NECTIN2: variants seen among roughly 807,000 people sequenced by gnomAD.
NECTIN2 encodes the protein nectin-2.
A neutral mutation model predicts 56.9 loss-of-function variants in NECTIN2; 23 were observed. The observed-to-expected ratio is 0.40, with a 90% CI of 0.29 to 0.57. The LOEUF (loss-of-function observed/expected upper bound fraction) is 0.57. Ranked by LOEUF, NECTIN2 falls within the 20% of genes least tolerant of loss-of-function variation. The pLI is 0.38. For missense variants in NECTIN2, 587 were observed against 718.3 expected (o/e 0.82, Z 2.09); for synonymous variants, 302 against 313.8 (o/e 0.96, Z 0.40).
intron 1 of NECTIN2, among the ~76,000 whole-genome samples, chr19:44,847,041 G>A (rs1968844003): frequency 6.6e-6 from 1 of 152,082 alleles, no homozygotes; most frequent in African/African-American, 2.4e-5. Context: ...ACCGCAGTAA[G>A]GTCTCGAGGA....
intron 5 of NECTIN2, among the ~76,000 whole-genome samples, chr19:44,877,575 C>T (rs1022016288): frequency 3.9e-5 from 6 of 152,350 alleles, no homozygotes; most frequent in Admixed American, 3.9e-4. Flanking sequence ...GGAATAAATG[C>T]TCCCAGCCAC....
Position 44,879,880 on chromosome 19 carries a change from C to A in NECTIN2, c.1043-2331C>A, listed in dbSNP as rs986593255. Among the ~76,000 whole-genome samples the A allele has an allele frequency of 2.6e-5, 4 of 152,316 alleles. No individual in the cohort carries two copies. The East Asian group carries it at 7.7e-4, about 29-fold the overall frequency. On this transcript the variant is annotated intron_variant, in intron 5 of 8. Transcript: ENST00000252483. ...GGCAGTGCTGGGGCTGCAGCTGTGG[C>A]CTGCACAGACCCAGTGCCGTCCTCC... is the stretch of plus-strand genomic sequence containing the variant.
chr19:44,886,152 TG>T lies in NECTIN2; in HGVS notation c.1285del (p.Ala429ProfsTer66), dbSNP rs757228805. ...AQEMPSQLFTLGASEHSPLKT... is the reference protein window; with the variant it reads ...AQEMPSQLFTXGASEHSPLKT... The stretch of plus-strand genomic sequence containing the variant: ...CTACAGCCCTCCCAGCTCTTCACTC[TG>T]GGGGCCTCGGAGCACAGCCCACTCA... On this transcript the variant is annotated frameshift_variant, in exon 8 of 9. Transcript: ENST00000252483. LOFTEE classifies it high-confidence loss of function. The T allele has an allele frequency of 1.9e-6, 3 of 1,613,210 alleles. No homozygotes were observed. Among genetic ancestry groups the T allele is most frequent in the African/African-American group, 1.3e-5 (1 of 74,996 alleles).
chr19:44,871,823 G>A (rs1416182319), intron 2 of NECTIN2, 30 bp from the exon 3 acceptor site: 3 of 1,601,194 alleles, frequency 1.9e-6, no homozygotes, highest in South Asian at 2.2e-5. Flanking sequence ...CCGGTGAGGA[G>A]TGACGCACCC....
Position 44,874,017 on chromosome 19 carries a change from GGCTAT to G in NECTIN2, c.879_883del (p.Tyr294LeufsTer46), listed in dbSNP as rs1969207638. 1 of 1,613,270 alleles carries G rather than the reference GGCTAT, an allele frequency of 6.2e-7. No homozygotes were observed. Among genetic ancestry groups the G allele is most frequent in the Non-Finnish European group, 8.5e-7 (1 of 1,179,554 alleles). On this transcript the variant is annotated frameshift_variant, in exon 4 of 9. Transcript: ENST00000252483. LOFTEE classifies it high-confidence loss of function. This position sits in a 1 kb window ranked among gnomAD's most constrained non-coding sequence, Gnocchi z 6.3. Reference sequence around the variant, plus strand: ...CGTCCGCAGCAACCCAGAGCCCACGGGCTATGACTGGAGCACGTGAGTCACGTGGT... The same window carrying G: ...CGTCCGCAGCAACCCAGAGCCCACGGGACTGGAGCACGTGAGTCACGTGGT...
At chr19:44,860,266 C>G (rs897297996) in intron 1 of NECTIN2, among the ~76,000 whole-genome samples, 1 of 151,992 alleles carries the variant, frequency 6.6e-6, no homozygotes, top group African/African-American at 2.4e-5. Flanking sequence ...GGCTCATGCC[C>G]GTAATCCGAA....
intron 1 of NECTIN2, among the ~76,000 whole-genome samples, chr19:44,856,717 C>T (rs370894985): frequency 6.6e-6 from 1 of 152,214 alleles, no homozygotes; most frequent in Non-Finnish European, 1.5e-5. Context: ...CTGGAGGAGC[C>T]GGAAGGGAGT....
chr19:44,877,938 A>G (rs1175566566), intron 5 of NECTIN2, among the ~76,000 whole-genome samples: 3 of 152,098 alleles, frequency 2.0e-5, no homozygotes, highest in African/African-American at 7.2e-5. Context: ...TAGCAATTTA[A>G]ATTTTGCAAA....
chr19:44,854,472 G>A (rs530835983), intron 1 of NECTIN2, among the ~76,000 whole-genome samples: 1 of 152,242 alleles, frequency 6.6e-6, no homozygotes, highest in East Asian at 1.9e-4. Flanking sequence ...TCCCTTAGAA[G>A]GAAGATCTGG....
chr19:44,855,604 C>T (rs1374403429), intron 1 of NECTIN2, among the ~76,000 whole-genome samples: 4 of 152,058 alleles, frequency 2.6e-5, no homozygotes, highest in Admixed American at 2.6e-4. Flanking sequence ...TCCTCCCATA[C>T]CACCCCTACT....
chr19:44,860,318 A>T (rs761843581), intron 1 of NECTIN2, among the ~76,000 whole-genome samples: 34 of 152,178 alleles, frequency 2.2e-4, no homozygotes, highest in Non-Finnish European at 3.7e-4. Flanking sequence ...TGAGCTCAGG[A>T]GCCTAAGCAA....
chr19:44,848,899 C>T (rs1487544490), intron 1 of NECTIN2, among the ~76,000 whole-genome samples: 1 of 152,076 alleles, frequency 6.6e-6, no homozygotes, highest in African/African-American at 2.4e-5. Context: ...CCACCTGGGC[C>T]CCCAGCTGGG....
At chr19:44,855,151 C>T (rs1467694611) in intron 1 of NECTIN2, among the ~76,000 whole-genome samples, 3 of 144,804 alleles carry the variant, frequency 2.1e-5, no homozygotes, top group Admixed American at 1.4e-4. Flanking sequence ...GTCAGCCTGG[C>T]GCAGTGGCTC....
chr19:44,879,513 G>A (rs577169546), intron 5 of NECTIN2, among the ~76,000 whole-genome samples: 3 of 152,134 alleles, frequency 2.0e-5, no homozygotes, highest in South Asian at 4.1e-4. Flanking sequence ...TGGCCACCCC[G>A]ACTGTGGCTC....
At chr19:44,862,053 T>C (rs1473494836) in intron 1 of NECTIN2, among the ~76,000 whole-genome samples, 1 of 152,214 alleles carries the variant, frequency 6.6e-6, no homozygotes, top group African/African-American at 2.4e-5. Context: ...CGTATGTTCA[T>C]TGCAGGACTA....
chr19:44,883,432 G>A (rs1191078139), intron 6 of NECTIN2, among the ~76,000 whole-genome samples: 1 of 152,020 alleles, frequency 6.6e-6, no homozygotes, highest in African/African-American at 2.4e-5. Context: ...GCGCCACCAC[G>A]CCCGGCTAAT....
At chr19:44,847,277 G>T (rs1968846707) in intron 1 of NECTIN2, among the ~76,000 whole-genome samples, 1 of 152,164 alleles carries the variant, frequency 6.6e-6, no homozygotes, top group Admixed American at 6.5e-5. Context: ...GGGGCCGGGG[G>T]CTCCGTCTTC....
At chr19:44,862,871 C>T (rs748047111) in intron 1 of NECTIN2, among the ~76,000 whole-genome samples, 91 of 151,544 alleles carry the variant, frequency 6.0e-4, no homozygotes, top group Non-Finnish European at 1.1e-3. Context: ...AAAAATTGGC[C>T]GGGCGCGGTG....
At chr19:44,876,648 G>T (rs946606819) in intron 5 of NECTIN2, among the ~76,000 whole-genome samples, 6 of 152,272 alleles carry the variant, frequency 3.9e-5, no homozygotes, top group African/African-American at 1.4e-4. Flanking sequence ...GGCACACACA[G>T]AGTCGTCACA....
Sources: gnomAD v4.1 joint callset for allele counts (sites outside exome capture counted in the v4.1 genomes callset) on GRCh38, gnomAD v4.1.1 for gene constraint, Gnocchi (gnomAD v3.1) non-coding constraint, MANE v1.5 for transcripts, NCBI Gene and HGNC (gene_info 2026-07-23, HGNC 2026-07-21) for gene names.